GLIS3: variants seen among roughly 807,000 people sequenced by gnomAD.
The protein encoded by GLIS3 is zinc finger protein GLIS3.
A neutral mutation model predicts 78.6 loss-of-function variants in GLIS3; 53 were observed. The ratio of observed to expected loss-of-function variants is 0.67; its 90% confidence interval spans 0.54 to 0.85. The LOEUF is 0.85. Among genes scored for constraint, GLIS3 ranks in the 40% least tolerant of loss-of-function variants. GLIS3 has a pLI of 0.00. For synonymous variants in GLIS3, 684 were observed against 509.9 expected, an observed-to-expected ratio of 1.34 and a Z score of -4.60; for missense variants, 1,703 against 1,231.1, an observed-to-expected ratio of 1.38 and a Z score of -5.74.
At chr9:4,336,954 G>A (rs867164296) in intron 2 of GLIS3, among the ~76,000 whole-genome samples, 3 of 152,172 alleles carry the variant, frequency 2.0e-5, no homozygotes, top group African/African-American at 4.8e-5. Flanking sequence ...CAAGTAAATG[G>A]ACAATTTCCA....
chr9:4,406,762 A>G, the GLIS3 span, among the ~76,000 whole-genome samples: 1 of 152,202 alleles, frequency 6.6e-6, no homozygotes, highest in Non-Finnish European at 1.5e-5. Flanking sequence ...TCTCTTCAAT[A>G]AAAACTATAA....
intron 2 of GLIS3, among the ~76,000 whole-genome samples, chr9:4,179,691 GC>G (rs1817125535): frequency 1.3e-5 from 2 of 151,988 alleles, no homozygotes; most frequent in South Asian, 4.1e-4. Context: ...AGGCAGATCA[GC>G]TGAGGTTAGG....
At chr9:4,358,535 C>T in the GLIS3 span, among the ~76,000 whole-genome samples, 2 of 152,104 alleles carry the variant, frequency 1.3e-5, no homozygotes, top group Non-Finnish European at 2.9e-5. Context: ...TATGTTCCAG[C>T]ACGTTTCTAG....
At position 4,259,175 on chromosome 9, in the gene GLIS3, G is replaced by C. The variant is rs150338530; in HGVS notation, c.388+26863C>G. Among the ~76,000 whole-genome samples, 698 of 152,244 alleles carry C rather than the reference G, an allele frequency of 4.6e-3. 5 individuals carry two copies. The highest frequency in any genetic ancestry group is 0.016 in the African/African-American group (667 of 41,556). ...GTATTCTGCAAGACTCAGAAACCTA[G>C]AAACTGGTAATATGGAGAAACTTCA... On this transcript the variant is annotated intron_variant, in intron 2 of 10. Transcript: ENST00000381971.
chr9:4,140,615 A>C (rs1383661180), intron 2 of GLIS3, among the ~76,000 whole-genome samples: 1 of 152,132 alleles, frequency 6.6e-6, no homozygotes, highest in African/African-American at 2.4e-5. Flanking sequence ...GAGCTGCTCA[A>C]CTATCTCATA....
chr9:3,928,137 C>G (rs192734217), intron 6 of GLIS3, among the ~76,000 whole-genome samples: 1 of 152,360 alleles, frequency 6.6e-6, no homozygotes, highest in African/African-American at 2.4e-5. Flanking sequence ...ATCCCCGTAA[C>G]AGCATCACTC....
chr9:3,897,987 T>C (rs951659477), intron 7 of GLIS3, among the ~76,000 whole-genome samples: 1 of 152,190 alleles, frequency 6.6e-6, no homozygotes, highest in African/African-American at 2.4e-5. Flanking sequence ...GAGTGTTCCA[T>C]ATGTAAGGAC....
At chr9:4,380,349 C>T in the GLIS3 span, among the ~76,000 whole-genome samples, 3 of 152,164 alleles carry the variant, frequency 2.0e-5, no homozygotes, top group Non-Finnish European at 4.4e-5. Flanking sequence ...TAACAATTGG[C>T]TCTAAGCAAA....
intron 2 of GLIS3, among the ~76,000 whole-genome samples, chr9:4,226,665 C>T (rs1361449225): frequency 6.6e-6 from 1 of 152,186 alleles, no homozygotes; most frequent in Non-Finnish European, 1.5e-5. Flanking sequence ...AAGAGAAAAG[C>T]CAAGTCTCCT....
chr9:3,903,487 T>C (rs894970287), intron 6 of GLIS3, among the ~76,000 whole-genome samples: 1 of 152,206 alleles, frequency 6.6e-6, no homozygotes, highest in African/African-American at 2.4e-5. Flanking sequence ...CATTGTAATC[T>C]ATGTGAACGG....
chr9:4,335,630 C>T (rs1285757552), intron 2 of GLIS3, among the ~76,000 whole-genome samples: 1 of 152,144 alleles, frequency 6.6e-6, no homozygotes, highest in Non-Finnish European at 1.5e-5. Flanking sequence ...CTGTAGTACC[C>T]TAAGTAGCCC....
At chr9:3,961,305 G>C (rs536784773) in intron 4 of GLIS3, among the ~76,000 whole-genome samples, 1 of 152,264 alleles carries the variant, frequency 6.6e-6, no homozygotes, top group South Asian at 2.1e-4. Flanking sequence ...AATCATTTTG[G>C]TGTTATTAAA....
At chr9:3,896,070 A>ACTT (rs372475927) in intron 7 of GLIS3, among the ~76,000 whole-genome samples, 1 of 152,206 alleles carries the variant, frequency 6.6e-6, no homozygotes, top group Non-Finnish European at 1.5e-5. Context: ...TTGTCTTAAC[A>ACTT]CTTCAGATTT....
chr9:4,302,912 G>C (rs928487278), upstream of GLIS3, among the ~76,000 whole-genome samples: 2 of 152,152 alleles, frequency 1.3e-5, no homozygotes, highest in Non-Finnish European at 2.9e-5. Flanking sequence ...AATGAGTAGA[G>C]AAGTGATAAG....
the GLIS3 span, among the ~76,000 whole-genome samples, chr9:4,423,558 C>A: frequency 3.3e-5 from 5 of 152,148 alleles, no homozygotes; most frequent in Admixed American, 6.5e-5. Context: ...TTAAAACCCA[C>A]AAAAACCCTC....
chr9:4,125,082 G>A (rs1204775906), intron 3 of GLIS3, among the ~76,000 whole-genome samples: 1 of 152,068 alleles, frequency 6.6e-6, no homozygotes, highest in African/African-American at 2.4e-5. Flanking sequence ...TAGACACATG[G>A]CATTTATAGT....
intron 4 of GLIS3, among the ~76,000 whole-genome samples, chr9:4,091,668 C>G (rs1227836502): frequency 1.3e-5 from 2 of 152,064 alleles, no homozygotes; most frequent in Non-Finnish European, 2.9e-5. Context: ...CATCCCCCTT[C>G]GCTCGACTCT....
intron 2 of GLIS3, among the ~76,000 whole-genome samples, chr9:4,346,337 A>G (rs1190517219): frequency 6.6e-6 from 1 of 152,140 alleles, no homozygotes; most frequent in East Asian, 1.9e-4. Context: ...AATACATACA[A>G]AGCTTCATTT....
intron 4 of GLIS3, among the ~76,000 whole-genome samples, chr9:4,063,180 TC>T (rs1826801779): frequency 6.6e-6 from 1 of 152,138 alleles, no homozygotes; most frequent in Non-Finnish European, 1.5e-5. Flanking sequence ...TTCACAATAT[TC>T]CAGAAGCAAA....
Sources: allele counts gnomAD v4.1 joint callset (sites outside exome capture counted in the v4.1 genomes callset), GRCh38; gene constraint gnomAD v4.1.1; transcripts MANE v1.5; gene names NCBI Gene and HGNC (gene_info 2026-07-23, HGNC 2026-07-21).